CREB3L2: variants seen among roughly 807,000 people sequenced by gnomAD.
The protein encoded by CREB3L2 is cAMP responsive element binding protein 3 like 2.
A neutral mutation model predicts 57.2 loss-of-function variants in CREB3L2; 23 were observed. That is an observed-to-expected ratio of 0.40 (90% confidence interval 0.29 to 0.57). CREB3L2 has a LOEUF of 0.57. CREB3L2 is among the 20% of genes least tolerant of loss of function. The pLI is 0.42. For synonymous variants in CREB3L2, 268 were observed against 265.1 expected, an observed-to-expected ratio of 1.01 and a Z score of -0.11; for missense variants, 628 against 634.7, an observed-to-expected ratio of 0.99 and a Z score of 0.11.
intron 1 of CREB3L2, chr7:137,953,632 C>A: frequency 1.3e-6 from 1 of 780,560 alleles, no homozygotes; most frequent in Non-Finnish European, 1.9e-6. Flanking sequence ...GTTTCACTTG[C>A]ATTGTGTTTT....
chr7:137,910,251 G>A (rs751842252), intron 4 of CREB3L2, among the ~76,000 whole-genome samples: 4 of 151,764 alleles, frequency 2.6e-5, no homozygotes, highest in East Asian at 3.9e-4. Context: ...CTCTCATTGC[G>A]ATTCCCTGTC....
chr7:137,956,261 A>G (rs1747337578), intron 1 of CREB3L2, among the ~76,000 whole-genome samples: 1 of 152,240 alleles, frequency 6.6e-6, no homozygotes, highest in African/African-American at 2.4e-5. Flanking sequence ...TAAGGAGTAG[A>G]ATACAATTTC....
At chr7:137,920,313 T>A (rs962640397) in intron 2 of CREB3L2, among the ~76,000 whole-genome samples, 1 of 152,182 alleles carries the variant, frequency 6.6e-6, no homozygotes, top group Non-Finnish European at 1.5e-5. Context: ...AGTTTTGCCA[T>A]CAGCATGAGA....
chr7:137,896,363 G>A (rs1014395791), intron 8 of CREB3L2, among the ~76,000 whole-genome samples: 1 of 152,046 alleles, frequency 6.6e-6, no homozygotes, highest in Non-Finnish European at 1.5e-5. Context: ...GTGCAATGGC[G>A]TGATCTCGGC....
chr7:137,904,535 A>T (rs895974625), intron 6 of CREB3L2, among the ~76,000 whole-genome samples: 1 of 152,154 alleles, frequency 6.6e-6, no homozygotes, highest in Non-Finnish European at 1.5e-5. Context: ...GCGGTGGTGC[A>T]TGCTTGTAAT....
At chr7:137,978,994 G>A (rs1476838620) in intron 1 of CREB3L2, among the ~76,000 whole-genome samples, 4 of 152,300 alleles carry the variant, frequency 2.6e-5, no homozygotes, top group African/African-American at 9.6e-5. Flanking sequence ...GAAGCTGTGG[G>A]ACAAAACTCA....
intron 1 of CREB3L2, among the ~76,000 whole-genome samples, chr7:137,977,500 C>T (rs1801628722): frequency 6.6e-6 from 1 of 152,204 alleles, no homozygotes; most frequent in Non-Finnish European, 1.5e-5. Flanking sequence ...CATCTAACTA[C>T]ATCATTAGTA....
At position 138,001,328 on chromosome 7, in the gene CREB3L2, C is replaced by T. The variant is rs1184869053; in HGVS notation, c.102+276G>A. ...TCCCGCATTACAGTACTGTTAACAA[C>T]AGCAAATGATATTACAGATGGAAAA... On this transcript the variant is annotated intron_variant, in intron 1 of 11. Coordinates refer to ENST00000330387, the MANE Select transcript of CREB3L2 (RefSeq NM_194071.4). The surrounding 1 kb of genome is among the most constrained non-coding windows in gnomAD (Gnocchi z 4.2). Among the ~76,000 whole-genome samples, 2 of 152,048 alleles carry T rather than the reference C, an allele frequency of 1.3e-5. No homozygotes were observed. Among genetic ancestry groups the T allele is most frequent in the Non-Finnish European group, 2.9e-5 (2 of 68,004 alleles).
chr7:137,935,033 T>C (rs1487882569), intron 1 of CREB3L2, among the ~76,000 whole-genome samples: 2 of 152,206 alleles, frequency 1.3e-5, no homozygotes, highest in Non-Finnish European at 2.9e-5. Flanking sequence ...GCAATCCTAA[T>C]GGTCACAGTA....
At chr7:137,893,733 C>G (rs1799566374) in intron 8 of CREB3L2, among the ~76,000 whole-genome samples, 1 of 152,084 alleles carries the variant, frequency 6.6e-6, no homozygotes, top group Non-Finnish European at 1.5e-5. Context: ...AAGACTATAG[C>G]TAAGAGGAAG....
In CREB3L2 at chr7:137,879,944, C is replaced by G. The variant is rs763932060; in HGVS notation, c.*532G>C. On this transcript the variant is annotated 3_prime_UTR_variant, in exon 12 of 12. Transcript: ENST00000330387. ...GCCAGTGCTGCTGCAGGAGACGAGA[C>G]GATCCAGCGAGGGCTCCCAGGGGGC... 14 of 236,954 alleles carry G rather than the reference C, an allele frequency of 5.9e-5. No homozygotes were observed. Among genetic ancestry groups the G allele is most frequent in the Admixed American group, 2.7e-4 (5 of 18,532 alleles). The allele number at this position is 236,954 out of a possible 1,614,324, so 14.7% of individuals were successfully genotyped here.
intron 1 of CREB3L2, among the ~76,000 whole-genome samples, chr7:137,968,863 A>G (rs576039812): frequency 1.3e-4 from 20 of 152,356 alleles, no homozygotes; most frequent in African/African-American, 4.8e-4. Context: ...ACAGCACATA[A>G]GAACAAGTCT....
intron 1 of CREB3L2, among the ~76,000 whole-genome samples, chr7:137,945,019 A>T (rs1349507765): frequency 6.6e-6 from 1 of 152,106 alleles, no homozygotes; most frequent in Non-Finnish European, 1.5e-5. Context: ...CAGCCTCCCA[A>T]GTAGCTGGGC....
intron 1 of CREB3L2, chr7:137,957,781 G>A (rs989534457): frequency 7.8e-7 from 1 of 1,288,532 alleles, no homozygotes; most frequent in African/African-American, 1.5e-5. Context: ...CAAGAAGAGT[G>A]GTAAATGCAA....
At chr7:137,883,314 G>A (rs933697290) in intron 10 of CREB3L2, among the ~76,000 whole-genome samples, 12 of 152,162 alleles carry the variant, frequency 7.9e-5, no homozygotes, top group African/African-American at 2.4e-5. Context: ...GACCACAGAC[G>A]TTTCAAGATG....
At chr7:137,966,797 G>GC (rs1454127910) in intron 1 of CREB3L2, among the ~76,000 whole-genome samples, 1 of 152,108 alleles carries the variant, frequency 6.6e-6, no homozygotes, top group African/African-American at 2.4e-5. Context: ...CATATAATAC[G>GC]CAGGAGCCGC....
intron 1 of CREB3L2, among the ~76,000 whole-genome samples, chr7:137,975,240 T>C (rs1478708298): frequency 2.0e-5 from 3 of 152,192 alleles, no homozygotes; most frequent in African/African-American, 7.2e-5. Context: ...AGGAGTTTAA[T>C]CCATATCAAA....
intron 6 of CREB3L2, among the ~76,000 whole-genome samples, chr7:137,904,476 G>A (rs1289527812): frequency 6.6e-6 from 1 of 152,142 alleles, no homozygotes; most frequent in African/African-American, 2.4e-5. Flanking sequence ...GACCAGCCTG[G>A]GCAACATGGT....
intron 1 of CREB3L2, among the ~76,000 whole-genome samples, chr7:137,989,925 C>T (rs909488822): frequency 6.6e-6 from 1 of 152,220 alleles, no homozygotes; most frequent in Non-Finnish European, 1.5e-5. Flanking sequence ...TCATCTACTC[C>T]TCCCTGTTGG....
Sources: gnomAD v4.1 joint callset for allele counts (sites outside exome capture counted in the v4.1 genomes callset) on GRCh38, gnomAD v4.1.1 for gene constraint, Gnocchi (gnomAD v3.1) non-coding constraint, MANE v1.5 for transcripts, NCBI Gene and HGNC (gene_info 2026-07-23, HGNC 2026-07-21) for gene names.